Variants in OSBP2 observed in about 807,000 individuals in gnomAD.
OSBP2 encodes the protein oxysterol-binding protein 2.
OSBP2 carries 66 observed loss-of-function variants against 96.0 expected under a neutral mutation model. The observed-to-expected ratio is 0.69, with a 90% CI of 0.56 to 0.84. The LOEUF (loss-of-function observed/expected upper bound fraction) is 0.84, where lower values mean the gene tolerates loss of function less well. OSBP2 is among the 40% of genes least tolerant of loss of function. The probability of loss-of-function intolerance (pLI) is 0.00; values close to 1 mark genes in which losing one functional copy is unlikely to be tolerated. For missense variants in OSBP2, 1,038 were observed against 1,222.7 expected, an observed-to-expected ratio of 0.85 and a Z score of 2.25; for synonymous variants, 525 against 520.9, an observed-to-expected ratio of 1.01 and a Z score of -0.11.
intron 3 of OSBP2, chr22:30,872,295 C>A (rs1028882554): frequency 6.6e-6 from 3 of 456,534 alleles, no homozygotes; most frequent in African/African-American, 2.0e-5. Flanking sequence ...TTTGTATTTC[C>A]CTGTCCCTCC....
chr22:30,845,574 TAA>T (rs776764817), intron 2 of OSBP2, among the ~76,000 whole-genome samples: 2 of 142,396 alleles, frequency 1.4e-5, no homozygotes, highest in Non-Finnish European at 1.5e-5. Flanking sequence ...TCAATTTGTT[TAA>T]AAAAAAAAAA....
chr22:30,811,190 A>T (rs1489519654), intron 2 of OSBP2, among the ~76,000 whole-genome samples: 1 of 147,792 alleles, frequency 6.8e-6, no homozygotes, highest in African/African-American at 2.5e-5. Context: ...TACATATATA[A>T]AAATGAGATT....
chr22:30,734,847 C>T (rs1237815360), intron 1 of OSBP2, among the ~76,000 whole-genome samples: 2 of 152,166 alleles, frequency 1.3e-5, no homozygotes, highest in African/African-American at 2.4e-5. Context: ...TTATATATTT[C>T]ACTGTATAAT....
At chr22:30,766,416 C>G (rs1346090058) in intron 2 of OSBP2, among the ~76,000 whole-genome samples, 1 of 152,180 alleles carries the variant, frequency 6.6e-6, no homozygotes, top group Non-Finnish European at 1.5e-5. Flanking sequence ...AATAATACCA[C>G]ACAGCTTTTT....
intron 8 of OSBP2, among the ~76,000 whole-genome samples, chr22:30,892,122 G>A (rs1233826529): frequency 6.6e-6 from 1 of 152,172 alleles, no homozygotes; most frequent in African/African-American, 2.4e-5. Flanking sequence ...ATGGAGGTGG[G>A]AGTGGAGGGG....
chr22:30,869,280 G>T (rs1569157978), intron 2 of OSBP2, among the ~76,000 whole-genome samples: 1 of 152,240 alleles, frequency 6.6e-6, no homozygotes, highest in Non-Finnish European at 1.5e-5. Flanking sequence ...AAGGAAGAGG[G>T]TGGCCAGCCA....
intron 2 of OSBP2, among the ~76,000 whole-genome samples, chr22:30,799,391 T>C (rs2090819276): frequency 6.6e-6 from 1 of 152,222 alleles, no homozygotes; most frequent in African/African-American, 2.4e-5. Flanking sequence ...CCCAAAGTGC[T>C]GGGATTACAG....
rs778779960 is a variant in OSBP2, at chr22:30,906,087, G to T, written c.2608+18G>T. On this transcript the variant is annotated intron_variant, in intron 13 of 13. Coordinates refer to ENST00000332585, the MANE Select transcript of OSBP2 (RefSeq NM_030758.4). ...GGAGGAAGGTGAGGCCGGGCGGGAA[G>T]GGCGCCCCGGAGGGGAGGAAAGGGG... 6.3e-7 allele frequency: 1 copy of T among 1,581,008 alleles called. No individual in the cohort carries two copies. The highest frequency in any genetic ancestry group is 1.1e-5 in the South Asian group (1 of 87,540).
At chr22:30,710,067 G>A (rs767316383) in intron 1 of OSBP2, among the ~76,000 whole-genome samples, 1 of 151,944 alleles carries the variant, frequency 6.6e-6, no homozygotes, top group African/African-American at 2.4e-5. Context: ...GGTATTTTTA[G>A]TAGAGACAGG....
chr22:30,753,142 G>C (rs371799920), intron 2 of OSBP2, among the ~76,000 whole-genome samples: 1 of 152,276 alleles, frequency 6.6e-6, no homozygotes, highest in African/African-American at 2.4e-5. Flanking sequence ...AGGTGTGGCA[G>C]CTCCCACAGA....
intron 1 of OSBP2, among the ~76,000 whole-genome samples, chr22:30,732,260 C>T (rs2089791947): frequency 2.0e-5 from 3 of 152,050 alleles, no homozygotes; most frequent in Admixed American, 6.6e-5. Context: ...GCCGAGATAG[C>T]GCCATTGCAC....
Position 30,881,411 on chromosome 22 carries a change from C to T in OSBP2, c.1108-6015C>T, listed in dbSNP as rs1483279020. The stretch of plus-strand genomic sequence containing the variant: ...CCACCTCCAGCTCCCACTAGGACCC[C>T]TCACTCTCTTCCCCTTAAACAATTC... On this transcript the variant is annotated intron_variant, in intron 3 of 13. Coordinates refer to ENST00000332585, the MANE Select transcript of OSBP2 (RefSeq NM_030758.4). The surrounding 1 kb of genome is among the most constrained non-coding windows in gnomAD (Gnocchi z 4.5). Among the ~76,000 whole-genome samples the T allele has an allele frequency of 6.6e-6, 1 of 152,170 alleles. No homozygotes were observed. The highest frequency in any genetic ancestry group is 1.5e-5 in the Non-Finnish European group (1 of 68,018).
intron 1 of OSBP2, among the ~76,000 whole-genome samples, chr22:30,730,716 GTCTCTC>G (rs1191165719): frequency 0.012 from 242 of 19,896 alleles, no homozygotes; most frequent in African/African-American, 0.017. Flanking sequence ...TCGCTGCCCT[GTCTCTC>G]TCTCTCTCTC....
chr22:30,800,316 G>A (rs2145839862), intron 2 of OSBP2, among the ~76,000 whole-genome samples: 1 of 152,296 alleles, frequency 6.6e-6, no homozygotes, highest in South Asian at 2.1e-4. Context: ...CAAGGAGAGA[G>A]GAGGAGGGCT....
intron 2 of OSBP2, among the ~76,000 whole-genome samples, chr22:30,787,537 G>A (rs1370715934): frequency 2.6e-5 from 4 of 152,134 alleles, no homozygotes; most frequent in Admixed American, 2.6e-4. Flanking sequence ...GGCGGGCATG[G>A]TGGTGCATGC....
chr22:30,774,029 G>A (rs1337266302), intron 2 of OSBP2, among the ~76,000 whole-genome samples: 4 of 152,148 alleles, frequency 2.6e-5, no homozygotes, highest in Middle Eastern at 3.2e-3. Context: ...CAAGATCAAT[G>A]CTTAATGGTC....
intron 1 of OSBP2, among the ~76,000 whole-genome samples, chr22:30,723,229 C>T (rs562742859): frequency 6.6e-6 from 1 of 152,120 alleles, no homozygotes; most frequent in South Asian, 2.1e-4. Flanking sequence ...GCCTCAGCCT[C>T]CTGAGTAGCT....
chr22:30,780,143 A>G (rs897638286), intron 2 of OSBP2, among the ~76,000 whole-genome samples: 2 of 152,266 alleles, frequency 1.3e-5, no homozygotes, highest in Non-Finnish European at 2.9e-5. Context: ...AGGGGCCCAC[A>G]GCCCCGGGCG....
intron 2 of OSBP2, among the ~76,000 whole-genome samples, chr22:30,866,315 G>A (rs571277782): frequency 2.6e-5 from 4 of 152,232 alleles, no homozygotes; most frequent in African/African-American, 9.6e-5. Context: ...TATGAGTGAA[G>A]GAGTAAGGGC....
Sources: allele counts gnomAD v4.1 joint callset (sites outside exome capture counted in the v4.1 genomes callset), GRCh38; gene constraint gnomAD v4.1.1; non-coding constraint Gnocchi (gnomAD v3.1); transcripts MANE v1.5; gene names NCBI Gene and HGNC (gene_info 2026-07-23, HGNC 2026-07-21).